Variants in SLC25A40 observed in about 807,000 individuals in gnomAD.
SLC25A40 encodes solute carrier family 25 member 40.
In SLC25A40, 41 loss-of-function variants were observed where a neutral mutation model predicts 46.5. The observed-to-expected ratio is 0.88, with a 90% CI of 0.69 to 1.14. The LOEUF (loss-of-function observed/expected upper bound fraction) is 1.14. Ranked by LOEUF, SLC25A40 falls within the 50% of genes most tolerant of loss-of-function variation. SLC25A40 has a pLI of 0.00. For synonymous variants in SLC25A40, 126 were observed against 127.5 expected, an observed-to-expected ratio of 0.99 and a Z score of 0.08; for missense variants, 386 against 393.6, an observed-to-expected ratio of 0.98 and a Z score of 0.16.
At chr7:87,856,173 C>A in intron 4 of SLC25A40, 119 bp downstream of exon 4, 1 of 881,800 alleles carries the variant, frequency 1.1e-6, no homozygotes. Flanking sequence ...AAAAGTTTTT[C>A]ATGAGGATAA....
chr7:87,859,778 T>C (rs1194365620), intron 2 of SLC25A40, among the ~76,000 whole-genome samples: 1 of 152,202 alleles, frequency 6.6e-6, no homozygotes, highest in African/African-American at 2.4e-5. Context: ...ATCAGGTTGT[T>C]GCCAATTTCC....
chr7:87,844,080 A>G (rs1838377192), intron 8 of SLC25A40: 2 of 719,230 alleles, frequency 2.8e-6, no homozygotes, highest in South Asian at 6.3e-5. Context: ...CTATGCATCA[A>G]TAAAGTAGGA....
chr7:87,839,771 A>T (rs78386244), intron 10 of SLC25A40, among the ~76,000 whole-genome samples: 2,166 of 151,866 alleles, frequency 0.014, 16 homozygotes, highest in South Asian at 0.034. Context: ...GTACTCAGTA[A>T]TTGACTAATG....
intron 5 of SLC25A40, among the ~76,000 whole-genome samples, chr7:87,852,927 G>A (rs976353803): frequency 5.3e-5 from 8 of 152,148 alleles, no homozygotes; most frequent in Non-Finnish European, 1.0e-4. Flanking sequence ...GAGTGTAACA[G>A]TAGATAAAAA....
chr7:87,836,802 G>T lies in SLC25A40; in HGVS notation c.832C>A (p.Pro278Thr). ...WTYESHKISM[P>T]LHMSTWIIMK... ...ATAATCCAGGTTGACATATGCAAAG[G>T]CATAGAAACTAAATGTTAAAATAAA... The change falls in exon 11 of 12, where the codon CCT (proline) becomes ACT (threonine). Residue 278 changes from proline to threonine, a missense_variant. Transcript: ENST00000341119. 4 of 1,501,176 alleles carry T rather than the reference G, an allele frequency of 2.7e-6. No individual in the cohort carries two copies. The highest frequency in any genetic ancestry group is 3.6e-6 in the Non-Finnish European group (4 of 1,126,658). The allele number at this position is 1,501,176 out of a possible 1,614,324, so 93.0% of individuals were successfully genotyped here. A position where few individuals can be genotyped will look rare whatever the true frequency, so the allele number is the denominator to read the frequency against.
At chr7:87,846,900 G>A (rs750918099) in intron 8 of SLC25A40, 49 bp downstream of exon 8, 28 of 1,446,428 alleles carry the variant, frequency 1.9e-5, no homozygotes, top group Non-Finnish European at 2.5e-5. Context: ...ATATTTGAAT[G>A]AGACAAAGCC....
intron 6 of SLC25A40, among the ~76,000 whole-genome samples, chr7:87,849,626 G>C (rs572148604): frequency 6.6e-6 from 1 of 152,286 alleles, no homozygotes; most frequent in East Asian, 1.9e-4. Flanking sequence ...CTCCTGATGT[G>C]CCTTTTTCCC....
rs768793519 is a variant in SLC25A40 at position 87,834,584 on chromosome 7, C to T, written c.*1665G>A. 2 of 151,508 alleles carry T rather than the reference C, an allele frequency of 1.3e-5. No homozygotes were observed. Among genetic ancestry groups the T allele is most frequent in the Non-Finnish European group, 3.0e-5 (2 of 67,686 alleles). 9.4% of individuals were successfully genotyped at this position (151,508 alleles called of 1,614,324 possible). On this transcript the variant is annotated 3_prime_UTR_variant, in exon 12 of 12. Transcript: ENST00000341119. The stretch of plus-strand genomic sequence containing the variant: ...AGGAGACATGGAAACCTTTCTCATA[C>T]TTATAGGTGATATTAAACTGAAATA...
intron 2 of SLC25A40, among the ~76,000 whole-genome samples, chr7:87,860,367 T>A (rs1420807384): frequency 2.0e-5 from 3 of 152,206 alleles, no homozygotes; most frequent in African/African-American, 7.2e-5. Flanking sequence ...CATTCAAAAG[T>A]AGGCTGCATA....
chr7:87,865,535 C>T (rs1247137400), intron 1 of SLC25A40, among the ~76,000 whole-genome samples: 4 of 152,164 alleles, frequency 2.6e-5, no homozygotes, highest in African/African-American at 9.7e-5. Context: ...CTTTGGGAGA[C>T]CAAGGCAGGC....
At chr7:87,869,776 A>T (rs1838867151) in intron 1 of SLC25A40, among the ~76,000 whole-genome samples, 2 of 152,242 alleles carry the variant, frequency 1.3e-5, no homozygotes, top group Admixed American at 1.3e-4. Context: ...TATTACAAAT[A>T]AAGCAACTAT....
At chr7:87,836,524 T>G (rs1838259941) in intron 11 of SLC25A40, among the ~76,000 whole-genome samples, 163 bp from the exon 12 acceptor site, 1 of 151,482 alleles carries the variant, frequency 6.6e-6, no homozygotes, top group Middle Eastern at 3.2e-3. Context: ...CATCCTCACT[T>G]CAATCCATAT....
chr7:87,862,901 A>G (rs2131016685), intron 1 of SLC25A40, among the ~76,000 whole-genome samples: 1 of 152,256 alleles, frequency 6.6e-6, no homozygotes, highest in South Asian at 2.1e-4. Context: ...CAAGAATAGG[A>G]TGGGAAAGAC....
chr7:87,872,073 C>G (rs1400222968), intron 1 of SLC25A40, among the ~76,000 whole-genome samples: 1 of 152,152 alleles, frequency 6.6e-6, no homozygotes, highest in African/African-American at 2.4e-5. Context: ...ATTTCATAGA[C>G]TGGAAGAATA....
At chr7:87,857,007 T>C (rs1482664605) in intron 3 of SLC25A40, among the ~76,000 whole-genome samples, 1 of 152,194 alleles carries the variant, frequency 6.6e-6, no homozygotes, top group Non-Finnish European at 1.5e-5. Context: ...TGAAAATACA[T>C]CATAAGCAAT....
chr7:87,860,620 G>C lies in SLC25A40; in HGVS notation c.-73C>G, dbSNP rs1838681608. ...TCTATGCTCCAATATTTTATTGTTT[G>C]TAACATCAGTAGCCAAAAACCTGTA... is the stretch of plus-strand genomic sequence containing the variant. On this transcript the variant is annotated 5_prime_UTR_variant, in exon 2 of 12. Coordinates refer to ENST00000341119, the MANE Select transcript of SLC25A40 (RefSeq NM_018843.4). 6.6e-6 allele frequency: 1 copy of C among 151,988 alleles called. No homozygotes were observed. The highest frequency in any genetic ancestry group is 2.4e-5 in the African/African-American group (1 of 41,354). The allele number at this position is 151,988 out of a possible 1,614,324, so 9.4% of individuals were successfully genotyped here. A position where few individuals can be genotyped will look rare whatever the true frequency, so the allele number is the denominator to read the frequency against.
Position 87,836,223 on chromosome 7 carries a change from T to C in SLC25A40, c.*26A>G, listed in dbSNP as rs766686631. ...AGTCTCCATCTTCTTTGGCTATAGT[T>C]GTTGTTTCAAGTTGAAACAGCATCA... is the stretch of plus-strand genomic sequence containing the variant. On this transcript the variant is annotated 3_prime_UTR_variant, in exon 12 of 12. Transcript: ENST00000341119. 3 of 1,328,024 alleles carry C rather than the reference T, an allele frequency of 2.3e-6. No homozygotes were observed. Among genetic ancestry groups the C allele is most frequent in the Non-Finnish European group, 3.1e-6 (3 of 970,098 alleles). 82.3% of individuals were successfully genotyped at this position (1,328,024 alleles called of 1,614,324 possible).
chr7:87,860,128 C>G (rs184940893), intron 2 of SLC25A40: 10 of 152,202 alleles, frequency 6.6e-5, no homozygotes, highest in Non-Finnish European at 1.2e-4. Flanking sequence ...ACCCAGGAGG[C>G]AGAAGTTGCA....
chr7:87,845,542 G>A (rs774252590), intron 8 of SLC25A40, among the ~76,000 whole-genome samples: 89 of 151,964 alleles, frequency 5.9e-4, no homozygotes, highest in Non-Finnish European at 2.5e-4. Flanking sequence ...TCACACACGC[G>A]CTCATGCACA....
Sources: allele counts gnomAD v4.1 joint callset (sites outside exome capture counted in the v4.1 genomes callset), GRCh38; gene constraint gnomAD v4.1.1; transcripts MANE v1.5; gene names NCBI Gene and HGNC (gene_info 2026-07-23, HGNC 2026-07-21).